SORBS2: variants seen among roughly 807,000 people sequenced by gnomAD.
SORBS2 encodes the protein sorbin and SH3 domain-containing protein 2.
In SORBS2, 46 loss-of-function variants were observed where a neutral mutation model predicts 97.7. That is an observed-to-expected ratio of 0.47 (90% confidence interval 0.37 to 0.60). The LOEUF (loss-of-function observed/expected upper bound fraction) is 0.60, where lower values mean the gene tolerates loss of function less well. SORBS2 is among the 20% of genes least tolerant of loss of function. SORBS2 has a pLI of 0.00. For missense variants in SORBS2, 1,316 were observed against 1,282.3 expected (o/e 1.03, Z -0.40); for synonymous variants, 476 against 473.4 (o/e 1.01, Z -0.07).
At chr4:185,784,680 C>T (rs2099047932) in intron 1 of SORBS2, among the ~76,000 whole-genome samples, 1 of 152,180 alleles carries the variant, frequency 6.6e-6, no homozygotes, top group Non-Finnish European at 1.5e-5. Context: ...CTAAAAACAA[C>T]CTTCCTTACA....
At chr4:185,953,215 G>C (rs1303513187) in intron 1 of SORBS2, among the ~76,000 whole-genome samples, 1 of 152,250 alleles carries the variant, frequency 6.6e-6, no homozygotes, top group Middle Eastern at 3.2e-3. Context: ...TAGGGAGGCT[G>C]ATGCAGGAGA....
intron 12 of SORBS2, among the ~76,000 whole-genome samples, chr4:185,597,661 T>A (rs1315207751): frequency 2.0e-5 from 3 of 152,202 alleles, no homozygotes; most frequent in Non-Finnish European, 4.4e-5. Flanking sequence ...AAATGTCCTA[T>A]AAGGTGATGT....
chr4:185,752,419 G>A (rs936886407), intron 2 of SORBS2, among the ~76,000 whole-genome samples: 1 of 152,104 alleles, frequency 6.6e-6, no homozygotes, highest in Non-Finnish European at 1.5e-5. Context: ...TGGACTACAG[G>A]CGCCCGCCAC....
chr4:185,650,977 A>T (rs1380508826), intron 2 of SORBS2, among the ~76,000 whole-genome samples: 1 of 152,162 alleles, frequency 6.6e-6, no homozygotes, highest in African/African-American at 2.4e-5. Context: ...CAGGAGGATC[A>T]TGCGACCCCA....
intron 2 of SORBS2, among the ~76,000 whole-genome samples, chr4:185,697,293 T>A (rs116446899): frequency 0.014 from 2,133 of 152,324 alleles, 50 homozygotes; most frequent in African/African-American, 0.047. Context: ...GGGGCATTAT[T>A]GTATTGCTTT....
At chr4:185,875,707 T>C (rs571070127) in intron 1 of SORBS2, among the ~76,000 whole-genome samples, 16 of 152,246 alleles carry the variant, frequency 1.1e-4, no homozygotes, top group African/African-American at 3.6e-4. Context: ...CCCTGGAAAG[T>C]GCTTTGCATA....
intron 1 of SORBS2, among the ~76,000 whole-genome samples, chr4:185,860,678 C>T (rs1181099792): frequency 6.6e-6 from 1 of 152,136 alleles, no homozygotes; most frequent in African/African-American, 2.4e-5. Context: ...CATAAGACAT[C>T]AATCAAGACA....
At chr4:185,864,119 T>C (rs930224196) in intron 1 of SORBS2, among the ~76,000 whole-genome samples, 2 of 152,204 alleles carry the variant, frequency 1.3e-5, no homozygotes, top group Non-Finnish European at 2.9e-5. Flanking sequence ...TTTCAAGTTA[T>C]AAAAAGTGTG....
chr4:185,807,454 C>T (rs1000622765), intron 1 of SORBS2, among the ~76,000 whole-genome samples: 2 of 152,088 alleles, frequency 1.3e-5, no homozygotes, highest in African/African-American at 4.8e-5. Flanking sequence ...GCTTTTTTGG[C>T]CAAAATTCCT....
chr4:185,847,434 GA>G (rs2099215202), intron 1 of SORBS2, among the ~76,000 whole-genome samples: 1 of 152,094 alleles, frequency 6.6e-6, no homozygotes, highest in Non-Finnish European at 1.5e-5. Context: ...GCCAGGACCA[GA>G]AAATCAAGCT....
Position 185,710,327 on chromosome 4 carries a change from C to T in SORBS2, c.-197-31505G>A, listed in dbSNP as rs149141117. Among the ~76,000 whole-genome samples, 167 of 152,300 alleles carry T rather than the reference C, an allele frequency of 1.1e-3. 2 individuals are homozygous for T. The highest frequency in any genetic ancestry group is 3.4e-3 in the Middle Eastern group (1 of 294). On this transcript the variant is annotated intron_variant, in intron 2 of 20. Transcript: ENST00000284776. ...GAGCTGTGGATGCCTCATTGTTGCT[C>T]GTCTTGCGACATAAAATAACAGCAT...
intron 2 of SORBS2, among the ~76,000 whole-genome samples, chr4:185,730,024 C>A (rs1583563616): frequency 6.6e-6 from 1 of 152,036 alleles, no homozygotes; most frequent in East Asian, 1.9e-4. Flanking sequence ...GCCATCTCGG[C>A]TCACTGCAAG....
At chr4:185,615,274 C>T (rs1188063185) in intron 9 of SORBS2, 115 bp from the exon 22 acceptor site, 1 of 673,738 alleles carries the variant, frequency 1.5e-6, no homozygotes, top group Non-Finnish European at 2.7e-6. Context: ...ATTAAAAAAT[C>T]CAATTGATAT....
At chr4:185,924,648 C>G (rs2099262643) in intron 1 of SORBS2, among the ~76,000 whole-genome samples, 1 of 152,146 alleles carries the variant, frequency 6.6e-6, no homozygotes, top group African/African-American at 2.4e-5. Flanking sequence ...GGTGGGAGGG[C>G]CAGTTATTTC....
intron 1 of SORBS2, among the ~76,000 whole-genome samples, chr4:185,827,744 T>TCATCATCAC (rs1256465641): frequency 5.0e-4 from 21 of 41,872 alleles, no homozygotes; most frequent in Non-Finnish European, 8.4e-4. Context: ...ATCATCACCA[T>TCATCATCAC]CATCACCATC....
chr4:185,623,483 T>C lies in SORBS2; in HGVS notation c.1646A>G (p.His549Arg). The C allele has an allele frequency of 6.2e-7, 1 of 1,612,782 alleles. No individual in the cohort carries two copies. The highest frequency in any genetic ancestry group is 1.1e-5 in the South Asian group (1 of 91,028). The change falls in exon 7 of 15, where the codon CAC becomes CGC. Residue 549 changes from histidine to arginine, a missense_variant. Physicochemically the swap from His to Arg is conservative, Grantham distance 29 (BLOSUM62 0). Coordinates refer to ENST00000418609, the Ensembl canonical transcript of SORBS2. This position sits in a 1 kb window ranked among gnomAD's most constrained non-coding sequence, Gnocchi z 6.4. ...GAGGTGGCGGTGGTGGTGGTGGTGG[T>C]GATGGTGGTGGTGGTGGCTGGATCC...
At chr4:185,905,187 AG>A (rs1480687537) in intron 1 of SORBS2, among the ~76,000 whole-genome samples, 1 of 152,158 alleles carries the variant, frequency 6.6e-6, no homozygotes, top group East Asian at 1.9e-4. Context: ...CCAGTGGAGC[AG>A]GCTTCCCCAA....
chr4:185,634,379 T>C (rs959939230), intron 4 of SORBS2, among the ~76,000 whole-genome samples: 1 of 152,180 alleles, frequency 6.6e-6, no homozygotes, highest in Non-Finnish European at 1.5e-5. Context: ...TATTGTGTTA[T>C]AGTATTCACT....
At chr4:185,913,337 C>A (rs775167073) in intron 1 of SORBS2, among the ~76,000 whole-genome samples, 2 of 152,164 alleles carry the variant, frequency 1.3e-5, no homozygotes, top group Non-Finnish European at 2.9e-5. Flanking sequence ...TAAAATATTA[C>A]CATTGAGGCT....
Sources: gnomAD v4.1 joint callset for allele counts (sites outside exome capture counted in the v4.1 genomes callset) on GRCh38, gnomAD v4.1.1 for gene constraint, Gnocchi (gnomAD v3.1) non-coding constraint, MANE v1.5 for transcripts, NCBI Gene and HGNC (gene_info 2026-07-23, HGNC 2026-07-21) for gene names.